The following ARHGAP32 variants were observed in gnomAD, a reference collection of about 807,000 sequenced individuals.
ARHGAP32 encodes Rho GTPase activating protein 32, also known as rho GTPase-activating protein 32.
Under a neutral mutation model 186.5 loss-of-function variants are expected in ARHGAP32, and 51 were observed. The ratio of observed to expected loss-of-function variants is 0.27; its 90% CI spans 0.22 to 0.35. The LOEUF is 0.35. ARHGAP32 is among the 10% of genes least tolerant of loss of function. The probability of loss-of-function intolerance (pLI) is 1.00; values close to 1 mark genes in which losing one functional copy is unlikely to be tolerated. For missense variants in ARHGAP32, 2,186 were observed against 2,623.5 expected (o/e 0.83, Z 3.64); for synonymous variants, 950 against 964.3 (o/e 0.99, Z 0.27).
At chr11:129,082,075 A>G (rs1941238813) in intron 6 of ARHGAP32, among the ~76,000 whole-genome samples, 1 of 152,178 alleles carries the variant, frequency 6.6e-6, no homozygotes, top group Non-Finnish European at 1.5e-5. Context: ...CTCTACAAGA[A>G]AAACTATAAA....
chr11:129,002,237 AC>A (rs1946379294), intron 11 of ARHGAP32, among the ~76,000 whole-genome samples: 1 of 152,116 alleles, frequency 6.6e-6, no homozygotes, highest in Non-Finnish European at 1.5e-5. Context: ...AACGTGGAAT[AC>A]CTTTCCATTT....
chr11:129,149,653 C>T (rs1044239485), intron 2 of ARHGAP32, among the ~76,000 whole-genome samples: 2 of 152,166 alleles, frequency 1.3e-5, no homozygotes, highest in Non-Finnish European at 2.9e-5. Context: ...TTGAGTTCCA[C>T]ACCTTTCCAC....
chr11:129,108,109 A>G (rs1002100289), intron 5 of ARHGAP32, among the ~76,000 whole-genome samples: 3 of 152,126 alleles, frequency 2.0e-5, no homozygotes, highest in African/African-American at 7.2e-5. Flanking sequence ...AATATAAGAC[A>G]TATCGAAAAC....
At position 129,233,409 on chromosome 11, in the gene ARHGAP32, G is replaced by A. The variant is rs540361745; in HGVS notation, c.-5+45737C>T. ...TTGACCTAACCAACTCACAGCAGGC[G>A]ATACAAAATGACAAAAATTCTAATA... On this transcript the variant is annotated intron_variant, in intron 1 of 6. Transcript: ENST00000525234. 9.9e-5 allele frequency among the ~76,000 whole-genome samples: 15 copies of A among 152,148 alleles called. No individual in the cohort carries two copies. The South Asian group carries it at 1.7e-3, about 17-fold the overall frequency.
intron 5 of ARHGAP32, among the ~76,000 whole-genome samples, chr11:129,096,521 C>A (rs911354651): frequency 1.3e-5 from 2 of 151,992 alleles, no homozygotes; most frequent in East Asian, 1.9e-4. Flanking sequence ...CTCCCTATAC[C>A]CCCCCGGCCC....
At chr11:128,988,199 G>T in intron 12 of ARHGAP32, 74 bp from the exon 13 acceptor site, 1 of 1,098,444 alleles carries the variant, frequency 9.1e-7, no homozygotes, top group Non-Finnish European at 1.3e-6. Context: ...AAATAAGATT[G>T]TCTTAGTTTA....
intron 5 of ARHGAP32, among the ~76,000 whole-genome samples, chr11:129,099,890 A>G (rs478898): frequency 0.73 from 110,496 of 151,932 alleles, 40,619 homozygotes; most frequent in South Asian, 0.84. Context: ...CACAGAAGCT[A>G]GGCTGAAGGG....
intron 5 of ARHGAP32, among the ~76,000 whole-genome samples, chr11:129,097,751 T>C (rs1941777209): frequency 6.6e-6 from 1 of 152,044 alleles, no homozygotes; most frequent in African/African-American, 2.4e-5. Flanking sequence ...AAGAGATTAT[T>C]TGAAAAGATA....
chr11:129,023,980 C>G (rs1444307484), intron 11 of ARHGAP32: 38 of 985,260 alleles, frequency 3.9e-5, no homozygotes, highest in Non-Finnish European at 4.6e-5. Context: ...GAAAATAAAT[C>G]ATAATCCAAC....
intron 11 of ARHGAP32, among the ~76,000 whole-genome samples, chr11:129,001,486 G>A (rs1490078653): frequency 6.6e-6 from 1 of 152,148 alleles, no homozygotes; most frequent in Non-Finnish European, 1.5e-5. Context: ...TGAGTTGTAT[G>A]AGCTACTTAT....
At chr11:129,019,352 G>T (rs534457795) in intron 11 of ARHGAP32, among the ~76,000 whole-genome samples, 1 of 152,278 alleles carries the variant, frequency 6.6e-6, no homozygotes, top group South Asian at 2.1e-4. Context: ...CTATTTTACT[G>T]TGTGCCAGGG....
At chr11:129,060,131 T>C (rs1043669781) in intron 10 of ARHGAP32, among the ~76,000 whole-genome samples, 1 of 152,240 alleles carries the variant, frequency 6.6e-6, no homozygotes, top group Admixed American at 6.5e-5. Context: ...GAACTAATTG[T>C]GTGCGTCTCA....
intron 6 of ARHGAP32, among the ~76,000 whole-genome samples, chr11:129,071,583 G>A (rs1027819781): frequency 6.6e-6 from 1 of 151,982 alleles, no homozygotes; most frequent in African/African-American, 2.4e-5. Flanking sequence ...TAGAGAAAAG[G>A]AAACAAGGGA....
chr11:129,151,321 A>G (rs971620534), intron 2 of ARHGAP32, among the ~76,000 whole-genome samples: 2 of 152,314 alleles, frequency 1.3e-5, no homozygotes. Flanking sequence ...TACAAAGTAC[A>G]GAAAGTCAAC....
chr11:129,033,096 T>C (rs1441056518), intron 11 of ARHGAP32, among the ~76,000 whole-genome samples: 1 of 152,256 alleles, frequency 6.6e-6, no homozygotes, highest in Non-Finnish European at 1.5e-5. Context: ...TTCAATCATG[T>C]TGTTGCAAAC....
intron 1 of ARHGAP32, among the ~76,000 whole-genome samples, chr11:129,270,313 G>A (rs868064179): frequency 4.6e-5 from 7 of 152,132 alleles, no homozygotes; most frequent in Non-Finnish European, 5.9e-5. Context: ...TCTGGAAAAG[G>A]CAAAAGTATG....
chr11:129,124,986 G>C, intron 2 of ARHGAP32, 92 bp from the exon 3 acceptor site: 1 of 818,498 alleles, frequency 1.2e-6, no homozygotes. Flanking sequence ...TAGTTCTGCT[G>C]ACTTTTTACC....
chr11:129,130,002 G>A (rs1942773908), intron 2 of ARHGAP32, among the ~76,000 whole-genome samples: 2 of 152,116 alleles, frequency 1.3e-5, no homozygotes, highest in Admixed American at 1.3e-4. Flanking sequence ...ATATTTGTAT[G>A]ACATAATATG....
At chr11:128,993,675 C>A (rs1212777086) in intron 12 of ARHGAP32, among the ~76,000 whole-genome samples, 1 of 150,732 alleles carries the variant, frequency 6.6e-6, no homozygotes, top group Non-Finnish European at 1.5e-5. Flanking sequence ...GGTTATAGGT[C>A]ATGGACAATA....
Sources: allele counts gnomAD v4.1 joint callset (sites outside exome capture counted in the v4.1 genomes callset), GRCh38; gene constraint gnomAD v4.1.1; transcripts MANE v1.5; gene names NCBI Gene and HGNC (gene_info 2026-07-23, HGNC 2026-07-21).